PHTF2: variants seen among roughly 807,000 people sequenced by gnomAD.
PHTF2 encodes putative homeodomain transcription factor 2.
PHTF2 carries 60 observed loss-of-function variants against 101.2 expected under a neutral mutation model. The observed-to-expected ratio is 0.59, with a 90% CI of 0.48 to 0.73. PHTF2 has a LOEUF of 0.73. Ranked by LOEUF, PHTF2 falls within the 30% of genes least tolerant of loss-of-function variation. PHTF2 has a pLI of 0.00. For synonymous variants in PHTF2, 311 were observed against 307.3 expected (o/e 1.01, Z -0.13); for missense variants, 747 against 908.7 (o/e 0.82, Z 2.29).
At chr7:77,861,221 T>C (rs1797617337) in intron 3 of PHTF2, among the ~76,000 whole-genome samples, 1 of 152,186 alleles carries the variant, frequency 6.6e-6, no homozygotes, top group Admixed American at 6.5e-5. Flanking sequence ...TCATTCTTTA[T>C]CTGGGATCCT....
At chr7:77,946,507 C>T (rs985007260) in intron 16 of PHTF2, among the ~76,000 whole-genome samples, 2 of 152,042 alleles carry the variant, frequency 1.3e-5, no homozygotes, top group African/African-American at 4.8e-5. Context: ...ATAGAATATC[C>T]AAGCGACTTT....
intron 7 of PHTF2, among the ~76,000 whole-genome samples, chr7:77,904,677 A>G (rs1172295851): frequency 1.3e-5 from 2 of 152,168 alleles, no homozygotes; most frequent in Non-Finnish European, 1.5e-5. Context: ...CTCTTCATAT[A>G]AAGACAAGAG....
Position 77,916,717 on chromosome 7 carries a change from A to G in PHTF2, c.777-3562A>G, listed in dbSNP as rs922722936. On this transcript the variant is annotated intron_variant, in intron 9 of 19. Coordinates refer to ENST00000416283, the Ensembl canonical transcript of PHTF2. ...TGTATAAATGGTATAATATTTGCAT[A>G]TAACACATGCATATCCTCTCATTTA... Among the ~76,000 whole-genome samples the G allele has an allele frequency of 5.9e-5, 9 of 152,278 alleles. No individual in the cohort carries two copies. The East Asian group carries it at 1.7e-3, about 29-fold the overall frequency.
chr7:77,864,576 A>G (rs1195731412), intron 3 of PHTF2, among the ~76,000 whole-genome samples: 5 of 150,814 alleles, frequency 3.3e-5, no homozygotes, highest in Admixed American at 3.3e-4. Context: ...TTCCCATGCT[A>G]TTTTTCACCT....
rs201083715 is a variant in PHTF2, at chr7:77,910,342, A to G, written c.709A>G (p.Thr237Ala). Residue 237 changes from threonine (T) to alanine (A), a missense_variant, in exon 9 of 20, where the codon ACA becomes GCA. By Grantham distance (58) the Thr-to-Ala change is moderately conservative. Transcript: ENST00000416283. ...AGAGGGAGCAGTTCAGAACCACGGT[A>G]CAAGCACCTCTCACAGCGTTGGCAC... The G allele has an allele frequency of 1.2e-3, 1,913 of 1,613,836 alleles. 27 individuals carry two copies. In the South Asian group the frequency reaches 0.014, roughly 12 times the overall value.
intron 2 of PHTF2, among the ~76,000 whole-genome samples, chr7:77,841,600 G>A (rs1395703615): frequency 1.3e-5 from 2 of 152,116 alleles, no homozygotes; most frequent in African/African-American, 4.8e-5. Flanking sequence ...TTAGTAGATG[G>A]CATGGGATTA....
intron 2 of PHTF2, among the ~76,000 whole-genome samples, chr7:77,841,075 CT>C (rs57283892): frequency 7.1e-4 from 55 of 77,260 alleles, no homozygotes; most frequent in Middle Eastern, 0.012. Flanking sequence ...AAAAAACAGA[CT>C]TTTTTTTTTT....
chr7:77,853,239 T>C (rs13241989), intron 2 of PHTF2, among the ~76,000 whole-genome samples: 25,088 of 152,104 alleles, frequency 0.16, 2,401 homozygotes, highest in African/African-American at 0.26. Flanking sequence ...CTAGATCTTA[T>C]AGCCATGCTT....
chr7:77,807,874 T>A (rs1258317692), intron 1 of PHTF2, among the ~76,000 whole-genome samples: 1 of 152,176 alleles, frequency 6.6e-6, no homozygotes, highest in African/African-American at 2.4e-5. Flanking sequence ...TTAAGTTTTG[T>A]AGAGGGTGTA....
chr7:77,944,079 A>G (rs187280308), intron 16 of PHTF2, among the ~76,000 whole-genome samples: 10 of 152,336 alleles, frequency 6.6e-5, no homozygotes, highest in Admixed American at 4.6e-4. Context: ...TATTGTGTAC[A>G]TATCTGAGTT....
chr7:77,806,771 T>G (rs1484643869), intron 1 of PHTF2, among the ~76,000 whole-genome samples: 1 of 152,170 alleles, frequency 6.6e-6, no homozygotes, highest in Non-Finnish European at 1.5e-5. Flanking sequence ...TTTTATGACT[T>G]TATAACCTTT....
At chr7:77,858,331 C>G (rs979153073) in intron 3 of PHTF2, among the ~76,000 whole-genome samples, 2 of 152,024 alleles carry the variant, frequency 1.3e-5, no homozygotes, top group African/African-American at 4.8e-5. Flanking sequence ...TATTTGTTTA[C>G]AAGGAAAAAA....
At chr7:77,876,276 C>T (rs1006094208) in intron 3 of PHTF2, among the ~76,000 whole-genome samples, 2 of 152,210 alleles carry the variant, frequency 1.3e-5, no homozygotes, top group African/African-American at 4.8e-5. Flanking sequence ...TAAATGGTAG[C>T]AGCAGTTACT....
At chr7:77,846,450 AT>A (rs1796287144) in intron 2 of PHTF2, among the ~76,000 whole-genome samples, 1 of 152,228 alleles carries the variant, frequency 6.6e-6, no homozygotes, top group South Asian at 2.1e-4. Context: ...CATATATTAA[AT>A]AACACAGTAT....
intron 1 of PHTF2, among the ~76,000 whole-genome samples, chr7:77,828,623 C>T (rs1464977145): frequency 1.3e-5 from 2 of 152,058 alleles, no homozygotes; most frequent in Non-Finnish European, 2.9e-5. Context: ...CCAGCTTGGC[C>T]AACATGGTGA....
rs551579461 is a variant in PHTF2 at position 77,891,910 on chromosome 7, A to G, written c.148-1698A>G. Among the ~76,000 whole-genome samples the G allele has an allele frequency of 7.9e-5, 12 of 152,312 alleles. No homozygotes were observed. The East Asian group carries it at 1.9e-3, about 24-fold the overall frequency. On this transcript the variant is annotated intron_variant, in intron 3 of 19. Coordinates refer to ENST00000416283, the Ensembl canonical transcript of PHTF2. ...GCCATAATATGATTTTTAAAATAAA[A>G]GAGTCACAGGAAAGTGGTGAAAAAG... is the stretch of plus-strand genomic sequence containing the variant.
At chr7:77,886,531 T>C (rs376720043) in intron 3 of PHTF2, among the ~76,000 whole-genome samples, 80 of 152,280 alleles carry the variant, frequency 5.3e-4, no homozygotes, top group Admixed American at 1.0e-3. Context: ...ATTTTGTTTG[T>C]CTCAGTGTAT....
intron 2 of PHTF2, among the ~76,000 whole-genome samples, chr7:77,847,906 A>G (rs1796436278): frequency 6.6e-6 from 1 of 152,070 alleles, no homozygotes; most frequent in African/African-American, 2.4e-5. Context: ...CTACATTTTC[A>G]TGAGTTCAAT....
chr7:77,955,017 A>T, exon 20 of PHTF2: 1 of 403,018 alleles, frequency 2.5e-6, no homozygotes, highest in South Asian at 8.3e-5. Flanking sequence ...GTCTTGTGCA[A>T]TTCTTATATT....
Sources: allele counts gnomAD v4.1 joint callset (sites outside exome capture counted in the v4.1 genomes callset), GRCh38; gene constraint gnomAD v4.1.1; transcripts MANE v1.5; gene names NCBI Gene and HGNC (gene_info 2026-07-23, HGNC 2026-07-21).